DPYD: variants seen among roughly 807,000 people sequenced by gnomAD.
DPYD encodes dihydropyrimidine dehydrogenase.
A neutral mutation model predicts 116.2 loss-of-function variants in DPYD; 109 were observed. That is an observed-to-expected ratio of 0.94 (90% CI 0.80 to 1.10). The LOEUF (loss-of-function observed/expected upper bound fraction) is 1.10, where lower values mean the gene tolerates loss of function less well. Among genes scored for constraint, DPYD ranks in the 50% least tolerant of loss-of-function variants. DPYD has a pLI of 0.00. For synonymous variants in DPYD, 440 were observed against 432.0 expected, an observed-to-expected ratio of 1.02 and a Z score of -0.23; for missense variants, 1,302 against 1,254.5, an observed-to-expected ratio of 1.04 and a Z score of -0.57.
At chr1:97,543,220 G>A (rs1188030062) in intron 12 of DPYD, among the ~76,000 whole-genome samples, 1 of 152,144 alleles carries the variant, frequency 6.6e-6, no homozygotes, top group East Asian at 1.9e-4. Flanking sequence ...TGTTGGAACT[G>A]GATCTGATGT....
At chr1:97,687,088 T>C (rs960706341) in intron 7 of DPYD, among the ~76,000 whole-genome samples, 1 of 152,078 alleles carries the variant, frequency 6.6e-6, no homozygotes. Context: ...CTGGCCAACA[T>C]GGTAAAATCC....
chr1:97,843,851 G>A (rs1300945585), intron 2 of DPYD, among the ~76,000 whole-genome samples: 1 of 152,052 alleles, frequency 6.6e-6, no homozygotes, highest in South Asian at 2.1e-4. Flanking sequence ...AATGAATAGG[G>A]GAGAGATGAT....
chr1:97,381,010 A>G (rs1671925526), intron 15 of DPYD, among the ~76,000 whole-genome samples: 1 of 152,158 alleles, frequency 6.6e-6, no homozygotes, highest in Admixed American at 6.5e-5. Context: ...TTAAGATTAT[A>G]GTGAATATTT....
chr1:97,834,401 G>C (rs995516380), intron 2 of DPYD, among the ~76,000 whole-genome samples: 2 of 150,486 alleles, frequency 1.3e-5, no homozygotes, highest in African/African-American at 4.9e-5. Context: ...CAATTCAATA[G>C]GGTAACTGTT....
At chr1:97,879,859 A>G (rs962221014) in intron 2 of DPYD, among the ~76,000 whole-genome samples, 2 of 151,880 alleles carry the variant, frequency 1.3e-5, no homozygotes, top group African/African-American at 4.8e-5. Flanking sequence ...AGTGCCTGAA[A>G]TAAGATGCTT....
chr1:97,781,284 A>G (rs1040525529), intron 3 of DPYD, among the ~76,000 whole-genome samples: 45 of 152,342 alleles, frequency 3.0e-4, no homozygotes, highest in African/African-American at 1.1e-3. Flanking sequence ...TTTGGTACAA[A>G]AATTACCTAT....
At chr1:97,775,378 C>T (rs903469923) in intron 3 of DPYD, among the ~76,000 whole-genome samples, 5 of 152,018 alleles carry the variant, frequency 3.3e-5, no homozygotes, top group Admixed American at 1.3e-4. Flanking sequence ...CTAAATTTCC[C>T]CCCCTGCTCT....
At chr1:97,327,032 C>G (rs1668747228) in intron 16 of DPYD, among the ~76,000 whole-genome samples, 1 of 151,974 alleles carries the variant, frequency 6.6e-6, no homozygotes, top group Non-Finnish European at 1.5e-5. Context: ...TGAATTCTTA[C>G]AATGTGAAAC....
At chr1:97,104,278 A>C (rs920761842) in intron 20 of DPYD, among the ~76,000 whole-genome samples, 6 of 152,150 alleles carry the variant, frequency 3.9e-5, no homozygotes, top group Non-Finnish European at 8.8e-5. Flanking sequence ...GGTTGTTTGA[A>C]TTGTCAAACA....
At position 97,515,769 on chromosome 1, in the gene DPYD, G is replaced by C. The variant is rs776321529; in HGVS notation, c.1697C>G (p.Ala566Gly). ...TTTGGTGAGGGCAAAACCCCATCCAGCTTCAAAAGCTCTTCGAATCATTGA... is the reference window on the plus strand; with the variant it reads ...TTTGGTGAGGGCAAAACCCCATCCACCTTCAAAAGCTCTTCGAATCATTGA... ...STSMIRRAFE[A>G]GWGFALTKTF... is the part of the protein sequence containing the mutation. The change falls in exon 13 of 23, where the codon GCT becomes GGT. Residue 566 changes from alanine (A) to glycine (G), a missense_variant. Coordinates refer to ENST00000370192, the MANE Select transcript of DPYD (RefSeq NM_000110.4). The C allele has an allele frequency of 1.9e-6, 3 of 1,612,798 alleles. No individual in the cohort carries two copies. The highest frequency in any genetic ancestry group is 2.5e-6 in the Non-Finnish European group (3 of 1,179,202).
At chr1:97,730,487 T>C (rs1395484216) in intron 4 of DPYD, among the ~76,000 whole-genome samples, 1 of 151,952 alleles carries the variant, frequency 6.6e-6, no homozygotes, top group Non-Finnish European at 1.5e-5. Context: ...GCCTCCCAAA[T>C]TGAGGGGATT....
chr1:97,853,198 T>A (rs373468101), intron 2 of DPYD, among the ~76,000 whole-genome samples: 20 of 152,374 alleles, frequency 1.3e-4, no homozygotes, highest in African/African-American at 4.8e-4. Context: ...GTGCTTGTTC[T>A]ATCATAGTTT....
Position 97,750,200 on chromosome 1 carries a change from C to A in DPYD, c.234-9721G>T, listed in dbSNP as rs569241596. Among the ~76,000 whole-genome samples, 6 of 151,824 alleles carry A rather than the reference C, an allele frequency of 4.0e-5. No homozygotes were observed. The South Asian group carries it at 1.2e-3, about 31-fold the overall frequency. ...CTATATTTTATGACATATTTGTGGG[C>A]AATTTCAGAAATAATATATTAGTAA... On this transcript the variant is annotated intron_variant, in intron 3 of 22. Transcript: ENST00000370192.
At chr1:97,565,819 G>A (rs946196931) in intron 11 of DPYD, among the ~76,000 whole-genome samples, 5 of 152,116 alleles carry the variant, frequency 3.3e-5, no homozygotes, top group Non-Finnish European at 7.3e-5. Flanking sequence ...TCATTGCATG[G>A]TGAATAATGA....
At chr1:97,820,722 T>A (rs1001261284) in intron 3 of DPYD, among the ~76,000 whole-genome samples, 1 of 152,196 alleles carries the variant, frequency 6.6e-6, no homozygotes, top group Non-Finnish European at 1.5e-5. Flanking sequence ...TACTGGTAGT[T>A]CATCTTTATA....
chr1:97,410,225 G>C (rs1673905833), intron 14 of DPYD, among the ~76,000 whole-genome samples: 1 of 151,966 alleles, frequency 6.6e-6, no homozygotes, highest in Non-Finnish European at 1.5e-5. Context: ...CTCCAATAAA[G>C]TGAGAATCTT....
chr1:97,402,886 T>C (rs1673448749), intron 14 of DPYD, among the ~76,000 whole-genome samples: 1 of 151,826 alleles, frequency 6.6e-6, no homozygotes. Context: ...TTTTCTTTTT[T>C]AGTCTGTTGA....
chr1:97,374,214 A>G (rs1348642916), intron 15 of DPYD, among the ~76,000 whole-genome samples: 2 of 152,238 alleles, frequency 1.3e-5, no homozygotes, highest in Admixed American at 6.5e-5. Flanking sequence ...ACTTAAAAAC[A>G]GTTTGTCTAA....
At chr1:97,615,756 C>A (rs938668149) in intron 8 of DPYD, among the ~76,000 whole-genome samples, 1 of 152,114 alleles carries the variant, frequency 6.6e-6, no homozygotes, top group Admixed American at 6.6e-5. Context: ...GTGTTTCACT[C>A]CTTAGCAAGG....
Sources: gnomAD v4.1 joint callset for allele counts (sites outside exome capture counted in the v4.1 genomes callset) on GRCh38, gnomAD v4.1.1 for gene constraint, MANE v1.5 for transcripts, NCBI Gene and HGNC (gene_info 2026-07-23, HGNC 2026-07-21) for gene names.